Variants in HIVEP2 observed in about 807,000 individuals in gnomAD.
HIVEP2 encodes the protein HIVEP zinc finger 2.
A neutral mutation model predicts 180.7 loss-of-function variants in HIVEP2; 14 were observed. The ratio of observed to expected loss-of-function variants is 0.08; its 90% CI spans 0.05 to 0.12. HIVEP2 has a LOEUF of 0.12. Ranked by LOEUF, HIVEP2 falls within the 10% of genes least tolerant of loss-of-function variation. The probability of loss-of-function intolerance (pLI) is 1.00; values close to 1 mark genes in which losing one functional copy is unlikely to be tolerated. For synonymous variants in HIVEP2, 1,184 were observed against 1,136.4 expected, an observed-to-expected ratio of 1.04 and a Z score of -0.84; for missense variants, 2,579 against 3,008.5, an observed-to-expected ratio of 0.86 and a Z score of 3.34.
At chr6:142,858,729 T>C (rs1582918476) in intron 1 of HIVEP2, among the ~76,000 whole-genome samples, 1 of 152,056 alleles carries the variant, frequency 6.6e-6, no homozygotes, top group Admixed American at 6.5e-5. Flanking sequence ...GTAGCTGGGA[T>C]TACAGGTGCC....
intron 9 of HIVEP2, among the ~76,000 whole-genome samples, chr6:142,756,590 C>T (rs1018342001): frequency 3.3e-5 from 5 of 152,056 alleles, no homozygotes; most frequent in Admixed American, 3.3e-4. Context: ...CAATCTTCAT[C>T]TACACTACAT....
At chr6:142,932,626 G>T (rs990873959) in intron 1 of HIVEP2, among the ~76,000 whole-genome samples, 1 of 152,184 alleles carries the variant, frequency 6.6e-6, no homozygotes, top group African/African-American at 2.4e-5. Flanking sequence ...GAACAAGATT[G>T]CTATCTTTAA....
At chr6:142,913,575 A>G (rs1777472699) in intron 1 of HIVEP2, among the ~76,000 whole-genome samples, 1 of 152,250 alleles carries the variant, frequency 6.6e-6, no homozygotes, top group South Asian at 2.1e-4. Context: ...TGGAAGAAAG[A>G]GGTGTCTACA....
intron 7 of HIVEP2, among the ~76,000 whole-genome samples, chr6:142,763,059 G>A (rs548974180): frequency 2.6e-5 from 4 of 152,230 alleles, no homozygotes; most frequent in East Asian, 3.9e-4. Context: ...TAAGCATATC[G>A]GGATAGTTTA....
At chr6:142,814,959 T>C (rs1414272288) in intron 2 of HIVEP2, among the ~76,000 whole-genome samples, 1 of 152,078 alleles carries the variant, frequency 6.6e-6, no homozygotes, top group Non-Finnish European at 1.5e-5. Context: ...TTGCTCATGG[T>C]TCTGGAAACT....
chr6:142,885,499 A>G (rs1448081757), intron 1 of HIVEP2, among the ~76,000 whole-genome samples: 1 of 152,196 alleles, frequency 6.6e-6, no homozygotes, highest in Middle Eastern at 3.2e-3. Flanking sequence ...GCTAAACAAC[A>G]AGCCGTGGTT....
chr6:142,881,508 C>T (rs1776573698), intron 1 of HIVEP2, among the ~76,000 whole-genome samples: 1 of 152,098 alleles, frequency 6.6e-6, no homozygotes. Flanking sequence ...TCCTTTAGTT[C>T]TGAGGCAATC....
chr6:142,911,243 G>T (rs62428761), intron 1 of HIVEP2, among the ~76,000 whole-genome samples: 2 of 151,686 alleles, frequency 1.3e-5, no homozygotes, highest in Non-Finnish European at 2.9e-5. Context: ...GCCTAGGACT[G>T]AACAGAATAC....
chr6:142,794,782 C>T (rs1365364169), intron 2 of HIVEP2, among the ~76,000 whole-genome samples: 1 of 152,136 alleles, frequency 6.6e-6, no homozygotes, highest in Admixed American at 6.5e-5. Flanking sequence ...CTGTTGAACA[C>T]CCATGGGGTT....
At chr6:142,872,354 C>T (rs1336114436) in intron 1 of HIVEP2, among the ~76,000 whole-genome samples, 1 of 152,158 alleles carries the variant, frequency 6.6e-6, no homozygotes, top group African/African-American at 2.4e-5. Flanking sequence ...CATAAAGCAG[C>T]AATCTTTCCT....
intron 1 of HIVEP2, among the ~76,000 whole-genome samples, chr6:142,891,164 T>G (rs1776850799): frequency 6.6e-6 from 1 of 152,194 alleles, no homozygotes; most frequent in Non-Finnish European, 1.5e-5. Context: ...CAAGATAGGT[T>G]GAGGATTTTA....
intron 2 of HIVEP2, among the ~76,000 whole-genome samples, chr6:142,810,783 A>C (rs915315771): frequency 1.3e-5 from 2 of 151,780 alleles, no homozygotes; most frequent in African/African-American, 2.4e-5. Flanking sequence ...AAAAAAACAA[A>C]AAAAGAAAGA....
intron 2 of HIVEP2, among the ~76,000 whole-genome samples, chr6:142,807,114 A>C (rs1776573021): frequency 6.6e-6 from 1 of 152,160 alleles, no homozygotes; most frequent in Non-Finnish European, 1.5e-5. Context: ...AGGGGATGGC[A>C]ACCCAGGGAG....
chr6:142,867,757 T>C (rs1776177065), intron 1 of HIVEP2, among the ~76,000 whole-genome samples: 2 of 152,206 alleles, frequency 1.3e-5, no homozygotes, highest in Non-Finnish European at 2.9e-5. Flanking sequence ...GACAAATATA[T>C]GCTTTCAGTA....
intron 1 of HIVEP2, among the ~76,000 whole-genome samples, chr6:142,858,595 A>G (rs1317783730): frequency 1.3e-5 from 2 of 152,066 alleles, no homozygotes; most frequent in African/African-American, 4.8e-5. Flanking sequence ...TTTTAATTAA[A>G]TAAATTTTTT....
intron 2 of HIVEP2, among the ~76,000 whole-genome samples, chr6:142,795,481 G>A (rs1198567510): frequency 2.0e-5 from 3 of 152,100 alleles, no homozygotes; most frequent in African/African-American, 4.8e-5. Context: ...GCAACATAAA[G>A]TATTTTAATC....
Position 142,771,903 on chromosome 6 carries a change from C to A in HIVEP2, c.2836G>T (p.Asp946Tyr). 6.2e-7 allele frequency: 1 copy of A among 1,614,242 alleles called. No individual in the cohort carries two copies. The highest frequency in any genetic ancestry group is 8.5e-7 in the Non-Finnish European group (1 of 1,180,048). The change falls in exon 5 of 10, where the codon GAT becomes TAT. Residue 946 changes from aspartate to tyrosine, a missense_variant. Coordinates refer to ENST00000367603, the MANE Select transcript of HIVEP2 (RefSeq NM_006734.4). This position sits in a 1 kb window ranked among gnomAD's most constrained non-coding sequence, Gnocchi z 5.4. Reference protein sequence around the residue: ...PPKKKRLRLADMEHSSGESSF... With the variant: ...PPKKKRLRLAYMEHSSGESSF... The stretch of plus-strand genomic sequence containing the variant: ...GACTCCCCTGAGGAGTGCTCCATAT[C>A]TGCAAGTCGCAGACGCTTCTTTTTG...
intron 2 of HIVEP2, among the ~76,000 whole-genome samples, chr6:142,795,175 C>G (rs1309719194): frequency 6.6e-6 from 1 of 151,826 alleles, no homozygotes; most frequent in Non-Finnish European, 1.5e-5. Context: ...AGTTATTTGC[C>G]CTGAAAAATT....
chr6:142,869,441 AAAT>A (rs1413959433), intron 1 of HIVEP2, among the ~76,000 whole-genome samples: 1 of 152,202 alleles, frequency 6.6e-6, no homozygotes, highest in Non-Finnish European at 1.5e-5. Context: ...TATTTCATAA[AAAT>A]AATGTGTTCA....
Sources: allele counts gnomAD v4.1 joint callset (sites outside exome capture counted in the v4.1 genomes callset), GRCh38; gene constraint gnomAD v4.1.1; non-coding constraint Gnocchi (gnomAD v3.1); transcripts MANE v1.5; gene names NCBI Gene and HGNC (gene_info 2026-07-23, HGNC 2026-07-21).